The following CRACDL variants were observed in gnomAD, a reference collection of about 807,000 sequenced individuals.
CRACDL encodes CRACD like, also known as CRACD-like protein.
In CRACDL, 26 loss-of-function variants were observed where a neutral mutation model predicts 70.6. The observed-to-expected ratio is 0.37, with a 90% CI of 0.27 to 0.51. The LOEUF is 0.51. Among genes scored for constraint, CRACDL ranks in the 20% least tolerant of loss-of-function variants. The probability of loss-of-function intolerance (pLI) is 0.94; values close to 1 mark genes in which losing one functional copy is unlikely to be tolerated. For missense variants in CRACDL, 1,283 were observed against 1,376.9 expected, an observed-to-expected ratio of 0.93 and a Z score of 1.08; for synonymous variants, 618 against 615.2, an observed-to-expected ratio of 1.00 and a Z score of -0.07.
At chr2:98,858,174 C>T (rs1170049833) in intron 1 of CRACDL, among the ~76,000 whole-genome samples, 2 of 152,094 alleles carry the variant, frequency 1.3e-5, no homozygotes, top group African/African-American at 4.8e-5. Flanking sequence ...TAAAACACTG[C>T]TTGGAGAAAA....
intron 1 of CRACDL, among the ~76,000 whole-genome samples, chr2:98,887,452 C>G (rs755095767): frequency 5.9e-5 from 9 of 152,130 alleles, no homozygotes; most frequent in Non-Finnish European, 1.3e-4. Context: ...CAAGCCACTG[C>G]ACTCCAGCCG....
chr2:98,825,719 A>G (rs140404572), intron 6 of CRACDL, among the ~76,000 whole-genome samples: 38 of 152,362 alleles, frequency 2.5e-4, no homozygotes, highest in Admixed American at 2.1e-3. Flanking sequence ...TGCACTGGAC[A>G]CACACACCTA....
intron 1 of CRACDL, among the ~76,000 whole-genome samples, chr2:98,860,902 A>T (rs1180301647): frequency 2.0e-5 from 3 of 152,234 alleles, no homozygotes; most frequent in Admixed American, 6.5e-5. Context: ...CTTATAACTC[A>T]ATAATAAAAA....
intron 1 of CRACDL, among the ~76,000 whole-genome samples, chr2:98,894,371 C>T (rs1455046029): frequency 6.6e-6 from 1 of 151,686 alleles, no homozygotes; most frequent in Non-Finnish European, 1.5e-5. Flanking sequence ...AGCAACAACA[C>T]AACCACACCA....
At chr2:98,885,676 C>T (rs1044601588) in intron 1 of CRACDL, among the ~76,000 whole-genome samples, 12 of 152,084 alleles carry the variant, frequency 7.9e-5, no homozygotes, top group African/African-American at 2.9e-4. Context: ...CACTTGGCAA[C>T]CAACCAACCA....
At chr2:98,795,077 A>ATATATATATATATATATTTTTTTTT in intron 9 of CRACDL, among the ~76,000 whole-genome samples, 1 of 58,494 alleles carries the variant, frequency 1.7e-5, no homozygotes, top group Non-Finnish European at 3.1e-5. Flanking sequence ...ATATATATAT[A>ATATATATATATATATATTTTTTTTT]TTTTTTTTTT....
chr2:98,909,824 G>A (rs949421899), intron 1 of CRACDL, among the ~76,000 whole-genome samples: 4 of 152,168 alleles, frequency 2.6e-5, no homozygotes, highest in African/African-American at 9.7e-5. Flanking sequence ...AGCCTGTCTC[G>A]AGGTACAAAG....
chr2:98,807,244 C>A (rs368483614), intron 7 of CRACDL, among the ~76,000 whole-genome samples: 22 of 152,206 alleles, frequency 1.4e-4, no homozygotes, highest in African/African-American at 5.3e-4. Context: ...CATCACATAC[C>A]ATCTCTTACT....
chr2:98,800,087 C>T (rs915354135), intron 7 of CRACDL, among the ~76,000 whole-genome samples: 1 of 152,238 alleles, frequency 6.6e-6, no homozygotes, highest in Admixed American at 6.5e-5. Context: ...CATTTCTATT[C>T]TCCTGTTTCA....
intron 1 of CRACDL, among the ~76,000 whole-genome samples, chr2:98,934,040 C>T (rs1471355384): frequency 6.6e-6 from 1 of 152,058 alleles, no homozygotes; most frequent in African/African-American, 2.4e-5. Context: ...CCATTCATGA[C>T]CTATCACTTC....
chr2:98,798,338 G>C (rs1328358915), intron 7 of CRACDL, among the ~76,000 whole-genome samples: 1 of 151,056 alleles, frequency 6.6e-6, no homozygotes, highest in East Asian at 2.0e-4. Flanking sequence ...GTGACACTCT[G>C]GAGGCTGAGG....
Position 98,870,300 on chromosome 2 carries a change from A to G in CRACDL, c.-10-23490T>C, listed in dbSNP as rs892983350. Among the ~76,000 whole-genome samples, 4 of 152,338 alleles carry G rather than the reference A, an allele frequency of 2.6e-5. No homozygotes were observed. The East Asian group carries it at 5.8e-4, about 22-fold the overall frequency. On this transcript the variant is annotated intron_variant, in intron 1 of 9. Transcript: ENST00000397899. ...CTGAAGATGGTTCTGAAAAAGCCCT[A>G]GTTTGCTTTTCTGTTTTCCAAATGG...
chr2:98,866,410 A>C (rs1707142351), intron 1 of CRACDL, among the ~76,000 whole-genome samples: 1 of 151,538 alleles, frequency 6.6e-6, no homozygotes, highest in African/African-American at 2.4e-5. Context: ...GAATGAATGA[A>C]TGAATGAGCA....
At chr2:98,905,595 T>A (rs1326986038) in intron 1 of CRACDL, among the ~76,000 whole-genome samples, 4 of 151,938 alleles carry the variant, frequency 2.6e-5, no homozygotes, top group Admixed American at 2.6e-4. Flanking sequence ...CCCTCCTGTG[T>A]AAAAGATTTA....
At chr2:98,902,534 T>C (rs993922544) in intron 1 of CRACDL, among the ~76,000 whole-genome samples, 3 of 152,094 alleles carry the variant, frequency 2.0e-5, no homozygotes, top group African/African-American at 7.2e-5. Flanking sequence ...GGCGTTCTGG[T>C]CTTCGGAGTA....
At chr2:98,893,612 G>A (rs899109887) in intron 1 of CRACDL, among the ~76,000 whole-genome samples, 1 of 152,156 alleles carries the variant, frequency 6.6e-6, no homozygotes, top group African/African-American at 2.4e-5. Flanking sequence ...ATATCCTGCT[G>A]TGTAAACATA....
intron 1 of CRACDL, among the ~76,000 whole-genome samples, chr2:98,893,349 T>C (rs1360811898): frequency 6.6e-6 from 1 of 152,092 alleles, no homozygotes; most frequent in Non-Finnish European, 1.5e-5. Context: ...AGTGATGCGA[T>C]CTCAGTTCAC....
intron 3 of CRACDL, among the ~76,000 whole-genome samples, chr2:98,835,803 A>T (rs1227237956): frequency 1.3e-5 from 2 of 152,230 alleles, no homozygotes; most frequent in African/African-American, 4.8e-5. Context: ...GTGTACAGTG[A>T]ATGATAGAAT....
intron 1 of CRACDL, among the ~76,000 whole-genome samples, chr2:98,911,678 G>A (rs1159706837): frequency 6.6e-6 from 1 of 152,194 alleles, no homozygotes; most frequent in Non-Finnish European, 1.5e-5. Flanking sequence ...AGCCCACCCT[G>A]ATTTTGTGAA....
Sources: allele counts gnomAD v4.1 joint callset (sites outside exome capture counted in the v4.1 genomes callset), GRCh38; gene constraint gnomAD v4.1.1; transcripts MANE v1.5; gene names NCBI Gene and HGNC (gene_info 2026-07-23, HGNC 2026-07-21).